The following CDK19 variants were observed in gnomAD, a reference collection of about 807,000 sequenced individuals.
CDK19 encodes the protein cyclin-dependent kinase 19.
Under a neutral mutation model 68.3 loss-of-function variants are expected in CDK19, and 20 were observed. The ratio of observed to expected loss-of-function variants is 0.29; its 90% confidence interval spans 0.21 to 0.43. The LOEUF (loss-of-function observed/expected upper bound fraction) is 0.43, where lower values mean the gene tolerates loss of function less well. CDK19 is among the 20% of genes least tolerant of loss of function. The pLI is 1.00. For missense variants in CDK19, 339 were observed against 623.5 expected, an observed-to-expected ratio of 0.54 and a Z score of 4.86; for synonymous variants, 221 against 222.8, an observed-to-expected ratio of 0.99 and a Z score of 0.07.
At chr6:110,740,832 T>C (rs1249066737) in intron 2 of CDK19, among the ~76,000 whole-genome samples, 3 of 152,330 alleles carry the variant, frequency 2.0e-5, no homozygotes, top group South Asian at 2.1e-4. Context: ...TTTATGGTGT[T>C]GCCTCCATTC....
intron 1 of CDK19, among the ~76,000 whole-genome samples, chr6:110,768,745 T>C (rs551964915): frequency 6.6e-6 from 1 of 152,260 alleles, no homozygotes; most frequent in East Asian, 1.9e-4. Flanking sequence ...TGAAAAGGTG[T>C]AGCACAGGTG....
chr6:110,768,268 G>A (rs1261117819), intron 1 of CDK19, among the ~76,000 whole-genome samples: 1 of 152,194 alleles, frequency 6.6e-6, no homozygotes, highest in African/African-American at 2.4e-5. Flanking sequence ...GGAGCAATAG[G>A]AATGCTCGTT....
intron 1 of CDK19, among the ~76,000 whole-genome samples, chr6:110,777,089 A>G (rs1583075966): frequency 6.6e-6 from 1 of 152,364 alleles, no homozygotes. Flanking sequence ...GCATCTATCT[A>G]TATGTCAGAA....
chr6:110,811,538 G>T lies in CDK19; in HGVS notation c.128+3471C>A, dbSNP rs574868632. 1.2e-3 allele frequency among the ~76,000 whole-genome samples: 188 copies of T among 152,256 alleles called. 2 individuals carry two copies. The highest frequency in any genetic ancestry group is 4.5e-3 in the African/African-American group (185 of 41,544). On this transcript the variant is annotated intron_variant, in intron 1 of 12. Transcript: ENST00000368911. ...GCTGGGATTAAAGGTGTGAGCCACG[G>T]CGCCCGGCCAACAAAAGAACTTTTT... is the stretch of plus-strand genomic sequence containing the variant.
chr6:110,734,902 A>T (rs1777122457), intron 2 of CDK19, among the ~76,000 whole-genome samples: 1 of 152,222 alleles, frequency 6.6e-6, no homozygotes, highest in Non-Finnish European at 1.5e-5. Flanking sequence ...ATGCAAAATT[A>T]AATTACTTGA....
At chr6:110,620,735 T>C (rs964611323) in intron 12 of CDK19, among the ~76,000 whole-genome samples, 5 of 152,200 alleles carry the variant, frequency 3.3e-5, no homozygotes, top group African/African-American at 1.2e-4. Flanking sequence ...TTCTAAAGAA[T>C]GCAATTAATT....
intron 4 of CDK19, among the ~76,000 whole-genome samples, chr6:110,644,693 C>T (rs1176461376): frequency 5.3e-5 from 8 of 152,084 alleles, no homozygotes; most frequent in African/African-American, 1.9e-4. Flanking sequence ...ACTTCTTGCC[C>T]CCGACCATGG....
intron 4 of CDK19, chr6:110,646,498 C>T: frequency 7.1e-7 from 1 of 1,410,742 alleles, no homozygotes; most frequent in Non-Finnish European, 9.3e-7. Flanking sequence ...TCTGTGCCAG[C>T]GTGGTGCCCT....
chr6:110,762,026 A>G (rs1019370351), intron 1 of CDK19, among the ~76,000 whole-genome samples: 1 of 152,176 alleles, frequency 6.6e-6, no homozygotes, highest in African/African-American at 2.4e-5. Flanking sequence ...CCAATGGAAA[A>G]AGATGAATTT....
At position 110,815,106 on chromosome 6, in the gene CDK19, C is replaced by A; in HGVS notation, c.31G>T (p.Ala11Ser). 1 of 1,602,470 alleles carries A rather than the reference C, an allele frequency of 6.2e-7. No individual in the cohort carries two copies. Among genetic ancestry groups the A allele is most frequent in the Non-Finnish European group, 8.5e-7 (1 of 1,175,516 alleles). Residue 11 changes from alanine to serine, a missense_variant, in exon 1 of 13, where the codon GCG becomes TCG. Transcript: ENST00000368911. ...AAATCCTCCACCCGCTCCCGCTCCG[C>A]CGCCAGCTTCGCCTTGAAATCATAA... Reference protein sequence around the residue: MDYDFKAKLAAERERVEDLFE... With the variant: MDYDFKAKLASERERVEDLFE...
chr6:110,763,817 T>G (rs1041183214), intron 1 of CDK19, among the ~76,000 whole-genome samples: 2 of 152,200 alleles, frequency 1.3e-5, no homozygotes, highest in East Asian at 3.9e-4. Context: ...AAATAAAACT[T>G]TGTTCACAGA....
intron 4 of CDK19, among the ~76,000 whole-genome samples, chr6:110,662,504 A>G (rs1425237135): frequency 6.6e-6 from 1 of 152,192 alleles, no homozygotes; most frequent in African/African-American, 2.4e-5. Flanking sequence ...GCATTTCTCT[A>G]TCATTGCTAA....
At chr6:110,715,255 C>A (rs1729847546) in intron 2 of CDK19, among the ~76,000 whole-genome samples, 1 of 152,154 alleles carries the variant, frequency 6.6e-6, no homozygotes, top group African/African-American at 2.4e-5. Flanking sequence ...TGATACCTAA[C>A]ATACCTAAAA....
rs562627734 is a variant in CDK19 at position 110,763,223 on chromosome 6, C to T, written c.129-17022G>A. On this transcript the variant is annotated intron_variant, in intron 1 of 12. Transcript: ENST00000368911. ...CCCATCTTTCTCATAAAAGTTAAGGCAAAGTGAAGGAATGGAGGGAAAGAG... is the reference window on the plus strand; with the variant it reads ...CCCATCTTTCTCATAAAAGTTAAGGTAAAGTGAAGGAATGGAGGGAAAGAG... 7.9e-5 allele frequency among the ~76,000 whole-genome samples: 12 copies of T among 152,092 alleles called. No homozygotes were observed. The East Asian group carries it at 2.3e-3, about 29-fold the overall frequency.
chr6:110,626,965 G>T, intron 7 of CDK19, 37 bp downstream of exon 7: 1 of 1,546,486 alleles, frequency 6.5e-7, no homozygotes, highest in Non-Finnish European at 8.8e-7. Flanking sequence ...TTTGAAATAT[G>T]ACTCAAAATA....
At chr6:110,639,447 C>T (rs569401040) in intron 4 of CDK19, among the ~76,000 whole-genome samples, 1 of 152,246 alleles carries the variant, frequency 6.6e-6, no homozygotes, top group South Asian at 2.1e-4. Context: ...ATTCAATCAA[C>T]GAATGCATTT....
At chr6:110,803,015 A>T (rs1249643859) in intron 1 of CDK19, among the ~76,000 whole-genome samples, 1 of 152,200 alleles carries the variant, frequency 6.6e-6, no homozygotes, top group Non-Finnish European at 1.5e-5. Flanking sequence ...AATGGTTAAC[A>T]CTGGTTACCT....
In CDK19 at chr6:110,623,159, C is replaced by CA. The variant is rs1010738476; in HGVS notation, c.933+130dup. On this transcript the variant is annotated intron_variant, in intron 9 of 12. Transcript: ENST00000368911. ...GCTGAAAGACAGGGTGACATCTCAA[C>CA]AAAAAAAATATTTAATTTTACCCCA... The CA allele has an allele frequency of 1.0e-3, 762 of 763,920 alleles. 1 individual carries two copies. Among genetic ancestry groups the CA allele is most frequent in the Admixed American group, 9.9e-4 (37 of 37,368 alleles). 47.3% of individuals were successfully genotyped at this position (763,920 alleles called of 1,614,324 possible).
At chr6:110,672,998 TACTA>T (rs769054220) in intron 2 of CDK19, among the ~76,000 whole-genome samples, 28 of 152,192 alleles carry the variant, frequency 1.8e-4, no homozygotes, top group Non-Finnish European at 3.4e-4. Context: ...CCACTACTTA[TACTA>T]GTTCAATGGG....
Sources: allele counts gnomAD v4.1 joint callset (sites outside exome capture counted in the v4.1 genomes callset), GRCh38; gene constraint gnomAD v4.1.1; transcripts MANE v1.5; gene names NCBI Gene and HGNC (gene_info 2026-07-23, HGNC 2026-07-21).